The following RB1 variants were observed in gnomAD, a reference collection of about 807,000 sequenced individuals.
The protein encoded by RB1 is retinoblastoma-associated protein.
In RB1, 18 loss-of-function variants were observed where a neutral mutation model predicts 135.4. That is an observed-to-expected ratio of 0.13 (90% CI 0.09 to 0.20). RB1 has a LOEUF of 0.20. Ranked by LOEUF, RB1 falls within the 10% of genes least tolerant of loss-of-function variation. RB1 has a pLI of 1.00. For missense variants in RB1, 868 were observed against 1,110.0 expected, an observed-to-expected ratio of 0.78 and a Z score of 3.10; for synonymous variants, 365 against 373.2, an observed-to-expected ratio of 0.98 and a Z score of 0.25.
In RB1 at chr13:48,437,478, T is replaced by G. The variant is rs116069380; in HGVS notation, c.1696-15515T>G. Among the ~76,000 whole-genome samples the G allele has an allele frequency of 2.4e-3, 365 of 152,366 alleles. 1 individual carries two copies. Among genetic ancestry groups the G allele is most frequent in the African/African-American group, 7.5e-3 (314 of 41,590 alleles). On this transcript the variant is annotated intron_variant, in intron 17 of 26. Transcript: ENST00000267163. ...GTCGGGAAACTGGGAGTGGCTTTAC[T>G]GTGTGATTTTGACTCATGTTTCCTC... is the stretch of plus-strand genomic sequence containing the variant.
At chr13:48,364,690 C>T (rs1952676492) in intron 8 of RB1, among the ~76,000 whole-genome samples, 1 of 152,020 alleles carries the variant, frequency 6.6e-6, no homozygotes, top group Non-Finnish European at 1.5e-5. Context: ...TGTGATTGCA[C>T]CTGTGAATAG....
At chr13:48,307,429 T>C in intron 2 of RB1, 23 bp downstream of exon 2, 1 of 1,608,978 alleles carries the variant, frequency 6.2e-7, no homozygotes, top group Non-Finnish European at 8.5e-7. Flanking sequence ...TTAAAACGTT[T>C]TGAAATTTTT....
chr13:48,324,779 A>G (rs1952271156), intron 2 of RB1, among the ~76,000 whole-genome samples: 1 of 150,296 alleles, frequency 6.7e-6, no homozygotes, highest in African/African-American at 2.5e-5. Context: ...TTTTTGAGGA[A>G]CCTCTAAACT....
Position 48,438,707 on chromosome 13 carries a change from G to A in RB1, c.1696-14286G>A, listed in dbSNP as rs146196947. On this transcript the variant is annotated intron_variant, in intron 17 of 26. Transcript: ENST00000267163. Reference sequence around the variant, plus strand: ...TCTACCTTTCTTCACTTATAAAATGGCATTTAAAAAATAATTACCTTCTTT... The same window carrying A: ...TCTACCTTTCTTCACTTATAAAATGACATTTAAAAAATAATTACCTTCTTT... Among the ~76,000 whole-genome samples the A allele has an allele frequency of 5.6e-3, 845 of 152,038 alleles. 5 individuals are homozygous for A. The highest frequency in any genetic ancestry group is 0.01 in the Middle Eastern group (3 of 294).
intron 6 of RB1, among the ~76,000 whole-genome samples, chr13:48,358,990 T>G (rs1009718225): frequency 1.3e-5 from 2 of 152,114 alleles, no homozygotes; most frequent in Middle Eastern, 3.2e-3. Flanking sequence ...AGAAAACCTA[T>G]AAAGATGCAA....
In RB1 at chr13:48,464,978, T is replaced by TTA; in HGVS notation, c.2212-19_2212-18insAT. On this transcript the variant is annotated intron_variant, in intron 21 of 26. Transcript: ENST00000267163. The stretch of plus-strand genomic sequence containing the variant: ...TTTTACTTTTTTTTTTTTTTTTTTT[T>TTA]TTTTACTGTTCTTCCTCAGACATTC... 1 of 1,452,592 alleles carries TTA rather than the reference T, an allele frequency of 6.9e-7. No homozygotes were observed. The highest frequency in any genetic ancestry group is 9.2e-7 in the Non-Finnish European group (1 of 1,090,734). 90.0% of individuals were successfully genotyped at this position (1,452,592 alleles called of 1,614,324 possible).
rs911335091 is a variant in RB1, at chr13:48,480,385, C to A, written c.*314C>A. 16 of 414,432 alleles carry A rather than the reference C, an allele frequency of 3.9e-5. No homozygotes were observed. The highest frequency in any genetic ancestry group is 1.6e-4 in the Admixed American group (4 of 25,336). The allele number at this position is 414,432 out of a possible 1,614,324, so 25.7% of individuals were successfully genotyped here. On this transcript the variant is annotated 3_prime_UTR_variant, in exon 27 of 27. Coordinates refer to ENST00000267163, the MANE Select transcript of RB1 (RefSeq NM_000321.3). ...GTAAGAATGGCCCTAGAGTGGGAGT[C>A]CTGATAACCCAGGCCTGTCTGACTA...
chr13:48,433,249 C>T (rs1335330282), intron 17 of RB1, among the ~76,000 whole-genome samples: 1 of 151,480 alleles, frequency 6.6e-6, no homozygotes, highest in Non-Finnish European at 1.5e-5. Context: ...ATGTACTTTT[C>T]TATTTATGAG....
At chr13:48,344,542 G>T (rs770405090) in intron 3 of RB1, among the ~76,000 whole-genome samples, 4 of 152,132 alleles carry the variant, frequency 2.6e-5, no homozygotes, top group African/African-American at 4.8e-5. Flanking sequence ...TATGCTAAGG[G>T]GTGGGGTAAG....
chr13:48,412,364 A>C, intron 17 of RB1: 1 of 1,614,018 alleles, frequency 6.2e-7, no homozygotes, highest in Non-Finnish European at 8.5e-7. Flanking sequence ...ACATGCACCC[A>C]TACAAAGTGT....
At chr13:48,448,814 T>C (rs1466737595) in intron 17 of RB1, among the ~76,000 whole-genome samples, 2 of 152,250 alleles carry the variant, frequency 1.3e-5, no homozygotes, top group Non-Finnish European at 2.9e-5. Context: ...TGATGTATCA[T>C]GTAATCCTGC....
intron 23 of RB1, among the ~76,000 whole-genome samples, chr13:48,466,061 TC>T (rs2138347802): frequency 6.6e-6 from 1 of 151,154 alleles, no homozygotes; most frequent in African/African-American, 2.4e-5. Context: ...CCACCACAGG[TC>T]AAGGAGGCCT....
At chr13:48,359,869 T>G in intron 6 of RB1, 148 bp from the exon 7 acceptor site, 2 of 1,258,236 alleles carry the variant, frequency 1.6e-6, no homozygotes, top group South Asian at 3.4e-5. Context: ...ATTTTTTTTT[T>G]TTTTACAAAA....
At chr13:48,369,083 GTTT>G (rs908978773) in intron 11 of RB1, among the ~76,000 whole-genome samples, 3 of 152,154 alleles carry the variant, frequency 2.0e-5, no homozygotes, top group Admixed American at 2.0e-4. Context: ...ATTGGACCTA[GTTT>G]TGTCTGTTCT....
chr13:48,326,003 C>G (rs1593425571), intron 2 of RB1, among the ~76,000 whole-genome samples: 1 of 152,122 alleles, frequency 6.6e-6, no homozygotes, highest in African/African-American at 2.4e-5. Context: ...AATACTGTAA[C>G]CTGCCCCTAC....
chr13:48,312,438 A>G (rs1952139068), intron 2 of RB1, among the ~76,000 whole-genome samples: 2 of 152,174 alleles, frequency 1.3e-5, no homozygotes, highest in Admixed American at 1.3e-4. Flanking sequence ...ATTTCAAGAA[A>G]GGTTGTTTTT....
At chr13:48,373,207 T>C (rs556344002) in intron 11 of RB1, among the ~76,000 whole-genome samples, 198 bp from the exon 12 acceptor site, 2 of 152,302 alleles carry the variant, frequency 1.3e-5, no homozygotes, top group South Asian at 2.1e-4. Context: ...AACTTATTGA[T>C]TGTGAATACA....
chr13:48,342,484 C>CA (rs1376332244), intron 2 of RB1, 115 bp from the exon 3 acceptor site: 4 of 703,774 alleles, frequency 5.7e-6, no homozygotes, highest in Non-Finnish European at 1.0e-5. Context: ...TACAGTATTA[C>CA]AAACATTTAT....
rs141451510 is a variant in RB1 at position 48,365,329 on chromosome 13, C to G, written c.939+358C>G. ...TGGTAAGCCTCATTAAGCGTAGGAA[C>G]CATGATTAATGCCATCAACATTATT... On this transcript the variant is annotated intron_variant, in intron 9 of 26. Transcript: ENST00000267163. Among the ~76,000 whole-genome samples the G allele has an allele frequency of 2.0e-5, 3 of 152,242 alleles. No individual in the cohort carries two copies. The East Asian group carries it at 5.8e-4, about 29-fold the overall frequency.
Sources: gnomAD v4.1 joint callset for allele counts (sites outside exome capture counted in the v4.1 genomes callset) on GRCh38, gnomAD v4.1.1 for gene constraint, MANE v1.5 for transcripts, NCBI Gene and HGNC (gene_info 2026-07-23, HGNC 2026-07-21) for gene names.